Variants in R3HCC1L observed in about 807,000 individuals in gnomAD.
The protein encoded by R3HCC1L is R3H domain and coiled-coil containing 1 like, also known as coiled-coil domain-containing protein R3HCC1L.
R3HCC1L carries 51 observed loss-of-function variants against 59.9 expected under a neutral mutation model. The observed-to-expected ratio is 0.85, with a 90% CI of 0.68 to 1.07. R3HCC1L has a LOEUF of 1.07. Ranked by LOEUF, R3HCC1L falls within the 50% of genes least tolerant of loss-of-function variation. The pLI is 0.00. For synonymous variants in R3HCC1L, 322 were observed against 315.2 expected, an observed-to-expected ratio of 1.02 and a Z score of -0.23; for missense variants, 965 against 933.0, an observed-to-expected ratio of 1.03 and a Z score of -0.45.
chr10:98,159,135 A>G (rs1157938463), intron 2 of R3HCC1L, among the ~76,000 whole-genome samples: 1 of 152,170 alleles, frequency 6.6e-6, no homozygotes, highest in African/African-American at 2.4e-5. Context: ...AGACTGCAAG[A>G]CAGTTATTTT....
Position 98,208,156 on chromosome 10 carries a change from G to A in R3HCC1L, c.42G>A (p.Arg14=), listed in dbSNP as rs1426251615. Residue 14 remains arginine (R), a synonymous_variant, in exon 5 of 10, where the codon AGG becomes AGA. Coordinates refer to ENST00000298999, the MANE Select transcript of R3HCC1L (RefSeq NM_001351015.2). ...ESERCRVRAR[R]PDMALYVPKA... ...AGAGATGCAGAGTTAGAGCCAGAAG[G>A]CCTGACATGGCACTTTATGTACCTA... The A allele has an allele frequency of 1.2e-6, 2 of 1,613,804 alleles. No individual in the cohort carries two copies. The highest frequency in any genetic ancestry group is 8.5e-7 in the Non-Finnish European group (1 of 1,179,918).
intron 5 of R3HCC1L, among the ~76,000 whole-genome samples, chr10:98,214,391 C>A (rs1393963464): frequency 1.3e-5 from 2 of 151,994 alleles, no homozygotes; most frequent in Non-Finnish European, 1.5e-5. Context: ...TATAGTAAAT[C>A]ATAAAATCTT....
intron 4 of R3HCC1L, among the ~76,000 whole-genome samples, chr10:98,178,037 C>T (rs549213977): frequency 4.0e-4 from 61 of 152,098 alleles, no homozygotes; most frequent in East Asian, 2.7e-3. Flanking sequence ...TTTCTTTTGC[C>T]GTGCAGAAGC....
intron 1 of R3HCC1L, among the ~76,000 whole-genome samples, chr10:98,146,668 T>C (rs752123005): frequency 1.3e-5 from 2 of 151,908 alleles, no homozygotes; most frequent in Non-Finnish European, 2.9e-5. Context: ...TTTTTTGTTT[T>C]ACTTTTAAAT....
chr10:98,208,037 G>T, intron 4 of R3HCC1L, 64 bp from the exon 5 acceptor site: 1 of 1,425,068 alleles, frequency 7.0e-7, no homozygotes, highest in Non-Finnish European at 9.4e-7. Flanking sequence ...AAAGAAAAAA[G>T]AAAATATTTT....
intron 5 of R3HCC1L, among the ~76,000 whole-genome samples, chr10:98,213,262 A>C (rs1293852537): frequency 1.3e-5 from 2 of 152,198 alleles, no homozygotes; most frequent in South Asian, 2.1e-4. Flanking sequence ...TTAGAGTTTG[A>C]TAAACTATAA....
chr10:98,192,988 T>C (rs1385363689), intron 4 of R3HCC1L, among the ~76,000 whole-genome samples: 1 of 152,100 alleles, frequency 6.6e-6, no homozygotes, highest in Non-Finnish European at 1.5e-5. Context: ...TGAAAATCAA[T>C]AAATATAGAA....
At chr10:98,182,639 C>G (rs1457572554) in intron 4 of R3HCC1L, among the ~76,000 whole-genome samples, 1 of 152,182 alleles carries the variant, frequency 6.6e-6, no homozygotes, top group Non-Finnish European at 1.5e-5. Flanking sequence ...GCCCTGCCCC[C>G]AGAGGTGGAG....
chr10:98,220,384 ATC>A (rs1491174337), intron 5 of R3HCC1L, among the ~76,000 whole-genome samples: 1 of 114,038 alleles, frequency 8.8e-6, no homozygotes, highest in African/African-American at 3.3e-5. Flanking sequence ...TTTTTTTCCC[ATC>A]TTTTTTTTTT....
At chr10:98,212,397 A>T (rs1471975929) in intron 5 of R3HCC1L, among the ~76,000 whole-genome samples, 2 of 152,150 alleles carry the variant, frequency 1.3e-5, no homozygotes, top group African/African-American at 4.8e-5. Context: ...AATACTTCTA[A>T]TAGTCAGGTA....
At chr10:98,161,328 G>A (rs966176487) in intron 2 of R3HCC1L, among the ~76,000 whole-genome samples, 1 of 152,036 alleles carries the variant, frequency 6.6e-6, no homozygotes, top group Non-Finnish European at 1.5e-5. Flanking sequence ...ATATCTTTTT[G>A]TGTGAAATAT....
chr10:98,220,841 G>A (rs1174566329), intron 5 of R3HCC1L, among the ~76,000 whole-genome samples: 8 of 146,568 alleles, frequency 5.5e-5, no homozygotes, highest in African/African-American at 7.5e-5. Flanking sequence ...ATAAACATAC[G>A]TGTGCATGTG....
At chr10:98,206,528 T>C (rs954444504) in intron 4 of R3HCC1L, among the ~76,000 whole-genome samples, 2 of 152,190 alleles carry the variant, frequency 1.3e-5, no homozygotes, top group Admixed American at 6.5e-5. Flanking sequence ...ATCTAAATTA[T>C]TGTATAAATT....
chr10:98,179,892 G>A (rs1849459616), intron 4 of R3HCC1L, among the ~76,000 whole-genome samples: 1 of 152,184 alleles, frequency 6.6e-6, no homozygotes, highest in Admixed American at 6.5e-5. Flanking sequence ...TTGTATTTCT[G>A]TGGGGATTGG....
At chr10:98,135,058 GC>G (rs1844408028) in intron 1 of R3HCC1L, among the ~76,000 whole-genome samples, 2 of 152,216 alleles carry the variant, frequency 1.3e-5, no homozygotes, top group Admixed American at 6.5e-5. Context: ...CCCCCTCGGG[GC>G]TGCGGGGCCG....
Position 98,136,138 on chromosome 10 carries a change from ACACTGTGCC to A in R3HCC1L, c.-268+1443_-268+1451del, listed in dbSNP as rs1257695300. On this transcript the variant is annotated intron_variant, in intron 1 of 9. Coordinates refer to ENST00000298999, the MANE Select transcript of R3HCC1L (RefSeq NM_001351015.2). ...AAAGTGTTGGTATTACAGGCGTTTG[ACACTGTGCC>A]CACTGTGCCCGACCTCTGCGATTAA... Among the ~76,000 whole-genome samples, 7 of 151,698 alleles carry A rather than the reference ACACTGTGCC, an allele frequency of 4.6e-5. No individual in the cohort carries two copies. In the South Asian group the frequency reaches 1.0e-3, roughly 23 times the overall value.
chr10:98,237,142 G>A (rs1337993317), intron 9 of R3HCC1L, among the ~76,000 whole-genome samples: 1 of 152,176 alleles, frequency 6.6e-6, no homozygotes, highest in Non-Finnish European at 1.5e-5. Context: ...GAGTTTCAGA[G>A]TTGAACCCAA....
intron 4 of R3HCC1L, among the ~76,000 whole-genome samples, chr10:98,183,795 C>A (rs746925081): frequency 6.6e-6 from 1 of 152,074 alleles, no homozygotes; most frequent in East Asian, 1.9e-4. Flanking sequence ...TTCTTCTTAC[C>A]GTTTCCATCC....
At chr10:98,134,828 CCT>C (rs1564968713) in intron 1 of R3HCC1L, 122 bp downstream of exon 1, 1 of 152,096 alleles carries the variant, frequency 6.6e-6, no homozygotes, top group African/African-American at 2.4e-5. Flanking sequence ...TATTTTTTTT[CCT>C]CATGTGACGC....
Sources: allele counts gnomAD v4.1 joint callset (sites outside exome capture counted in the v4.1 genomes callset), GRCh38; gene constraint gnomAD v4.1.1; transcripts MANE v1.5; gene names NCBI Gene and HGNC (gene_info 2026-07-23, HGNC 2026-07-21).